The following SNRPN variants were observed in gnomAD, a reference collection of about 807,000 sequenced individuals.
The protein encoded by SNRPN is small nuclear ribonucleoprotein polypeptide N.
A neutral mutation model predicts 25.2 loss-of-function variants in SNRPN; 7 were observed. The observed-to-expected ratio is 0.28, with a 90% confidence interval of 0.16 to 0.52. The LOEUF (loss-of-function observed/expected upper bound fraction) is 0.52. Among genes scored for constraint, SNRPN ranks in the 20% least tolerant of loss-of-function variants. The pLI is 0.96. For missense variants in SNRPN, 196 were observed against 322.5 expected (o/e 0.61, Z 3.00); for synonymous variants, 124 against 110.6 (o/e 1.12, Z -0.76).
chr15:24,942,232 T>C (rs1052249849), intron 3 of SNRPN: 8 of 152,118 alleles, frequency 5.3e-5, no homozygotes, highest in African/African-American at 1.9e-4. Context: ...CTAGGGATAT[T>C]TGTGGAGGGC....
chr15:24,973,502 A>G lies in SNRPN; in HGVS notation c.-143-809A>G, dbSNP rs190419943. 5.9e-5 allele frequency among the ~76,000 whole-genome samples: 9 copies of G among 152,108 alleles called. No individual in the cohort carries two copies. In the East Asian group the frequency reaches 1.2e-3, roughly 20 times the overall value. ...AACCTCTGCCTCCCAGGTTCAAGCG[A>G]TTCTCCTACCTCAGCCTCTCAAGTA... On this transcript the variant is annotated intron_variant, in intron 3 of 9. Transcript: ENST00000390687.
intron 2 of SNRPN, among the ~76,000 whole-genome samples, chr15:24,895,536 C>T (rs539631925): frequency 1.3e-5 from 2 of 152,010 alleles, no homozygotes; most frequent in South Asian, 2.1e-4. Context: ...ATTGCCATCA[C>T]ATATCTGGTC....
chr15:24,845,407 G>C (rs949665603), intron 2 of SNRPN, among the ~76,000 whole-genome samples: 3 of 152,136 alleles, frequency 2.0e-5, no homozygotes, highest in Non-Finnish European at 1.5e-5. Flanking sequence ...AGACCAGCCT[G>C]ACCAACATGG....
At chr15:24,907,745 C>T (rs1027508248) in intron 2 of SNRPN, among the ~76,000 whole-genome samples, 2 of 151,912 alleles carry the variant, frequency 1.3e-5, no homozygotes, top group African/African-American at 4.8e-5. Context: ...CACGCCTGGC[C>T]AAGACACTAC....
At chr15:24,824,297 G>T (rs1308609655) in intron 1 of SNRPN, among the ~76,000 whole-genome samples, 2 of 152,100 alleles carry the variant, frequency 1.3e-5, no homozygotes, top group Admixed American at 1.3e-4. Context: ...AACACTGAGA[G>T]TCCCATTCTG....
At position 24,902,631 on chromosome 15, in the gene SNRPN, C is replaced by T. The variant is rs142446374; in HGVS notation, c.-505+16042C>T. Among the ~76,000 whole-genome samples, 1,300 of 152,234 alleles carry T rather than the reference C, an allele frequency of 8.5e-3. 16 individuals are homozygous for T. Among genetic ancestry groups the T allele is most frequent in the Middle Eastern group, 0.021 (6 of 292 alleles). On this transcript the variant is annotated intron_variant, in intron 2 of 11. Transcript: ENST00000400097. The stretch of plus-strand genomic sequence containing the variant: ...AGATGCTCAGATGTGTCCAGAGTTT[C>T]TTCCTTCTGGTGGGTTCGTGGTCTT...
At chr15:24,852,154 C>G (rs571668677), upstream of SNRPN, 5 of 152,114 alleles carry the variant, frequency 3.3e-5, no homozygotes, top group Non-Finnish European at 7.4e-5. Context: ...ACTACATGTT[C>G]TTAAGTAAGG....
chr15:24,848,228 CGGTGGGGGCGGGGGCGGCGGCGGG>C (rs1186446049), intron 2 of SNRPN: 14 of 21,456 alleles, frequency 6.5e-4, no homozygotes, highest in Admixed American at 1.4e-3. Flanking sequence ...GCGGGGGCGG[CGGTGGGGGCGGGGGCGGCGGCGGG>C]GGCGGGGGCG....
intron 2 of SNRPN, among the ~76,000 whole-genome samples, chr15:24,907,923 G>A (rs1465238039): frequency 6.6e-6 from 1 of 151,674 alleles, no homozygotes; most frequent in Non-Finnish European, 1.5e-5. Flanking sequence ...CATGGTGGTG[G>A]GCACCTGTAA....
intron 1 of SNRPN, among the ~76,000 whole-genome samples, chr15:24,874,093 G>A (rs533519652): frequency 1.5e-4 from 22 of 151,352 alleles, no homozygotes; most frequent in African/African-American, 2.2e-4. Flanking sequence ...GGCAGATCAC[G>A]AGGTCAGGAA....
At chr15:24,968,731 TTTTTG>T (rs1216767064) in intron 3 of SNRPN, 2 of 152,174 alleles carry the variant, frequency 1.3e-5, no homozygotes, top group Non-Finnish European at 2.9e-5. Flanking sequence ...TACTAATTCC[TTTTTG>T]TTTTGTCTTT....
At chr15:24,922,630 C>T (rs767671860) in intron 3 of SNRPN, among the ~76,000 whole-genome samples, 9 of 152,056 alleles carry the variant, frequency 5.9e-5, no homozygotes, top group Non-Finnish European at 1.0e-4. Context: ...ATACATCTTA[C>T]GTAGTTTTGT....
intron 1 of SNRPN, among the ~76,000 whole-genome samples, chr15:24,861,985 A>G (rs961447031): frequency 4.1e-5 from 6 of 147,648 alleles, no homozygotes; most frequent in Non-Finnish European, 7.4e-5. Context: ...CTTAAAAAAG[A>G]GGCTGCAGCA....
intron 1 of SNRPN, among the ~76,000 whole-genome samples, chr15:24,955,433 C>T (rs979014877): frequency 3.3e-5 from 5 of 151,148 alleles, no homozygotes; most frequent in Non-Finnish European, 7.4e-5. Context: ...TTCCGTGTGG[C>T]GAGGGTACGT....
intron 3 of SNRPN, among the ~76,000 whole-genome samples, chr15:24,972,149 A>G (rs920835923): frequency 2.0e-5 from 3 of 151,440 alleles, no homozygotes; most frequent in Non-Finnish European, 4.4e-5. Context: ...CTAGCTACTC[A>G]GGAGGCTGAG....
chr15:24,967,788 A>G (rs374373879), intron 2 of SNRPN, 144 bp from the exon 3 acceptor site: 4 of 716,230 alleles, frequency 5.6e-6, no homozygotes, highest in East Asian at 5.9e-5. Context: ...AGCCTGGGCA[A>G]CAGAATGAGA....
chr15:24,882,587 G>A (rs956963044), intron 1 of SNRPN, among the ~76,000 whole-genome samples: 1 of 152,038 alleles, frequency 6.6e-6, no homozygotes, highest in Non-Finnish European at 1.5e-5. Flanking sequence ...AGCACTTTGG[G>A]AGGCTGAGGC....
At chr15:24,848,606 T>C (rs2052489668) in intron 2 of SNRPN, 1 of 152,214 alleles carries the variant, frequency 6.6e-6, no homozygotes, top group African/African-American at 2.4e-5. Context: ...TCCTTTTCAG[T>C]ATTAATAACT....
intron 3 of SNRPN, among the ~76,000 whole-genome samples, chr15:24,945,962 G>A (rs940623978): frequency 6.6e-6 from 1 of 152,188 alleles, no homozygotes; most frequent in African/African-American, 2.4e-5. Flanking sequence ...TGAGCAGAAA[G>A]GCCTGTTGGG....
Sources: gnomAD v4.1 joint callset for allele counts (sites outside exome capture counted in the v4.1 genomes callset) on GRCh38, gnomAD v4.1.1 for gene constraint, MANE v1.5 for transcripts, NCBI Gene and HGNC (gene_info 2026-07-23, HGNC 2026-07-21) for gene names.